SYNE1: variants seen among roughly 807,000 people sequenced by gnomAD.
SYNE1 encodes spectrin repeat containing nuclear envelope protein 1.
Under a neutral mutation model 1,111.0 loss-of-function variants are expected in SYNE1, and 616 were observed. The observed-to-expected ratio is 0.55, with a 90% CI of 0.52 to 0.59. The LOEUF (loss-of-function observed/expected upper bound fraction) is 0.59, where lower values mean the gene tolerates loss of function less well. SYNE1 is among the 20% of genes least tolerant of loss of function. The probability of loss-of-function intolerance (pLI) is 0.00; values close to 1 mark genes in which losing one functional copy is unlikely to be tolerated. For synonymous variants in SYNE1, 3,855 were observed against 3,825.8 expected (o/e 1.01, Z -0.28); for missense variants, 10,006 against 10,417.0 (o/e 0.96, Z 1.72).
At chr6:152,329,506 A>C (rs1264784528) in intron 78 of SYNE1, among the ~76,000 whole-genome samples, 1 of 152,254 alleles carries the variant, frequency 6.6e-6, no homozygotes. Context: ...CAGCCTGGGC[A>C]ACAGAGCGAG....
At chr6:152,258,633 T>C (rs887265006) in intron 101 of SYNE1, among the ~76,000 whole-genome samples, 1 of 152,174 alleles carries the variant, frequency 6.6e-6, no homozygotes, top group Non-Finnish European at 1.5e-5. Context: ...CCATTTCCCC[T>C]AAACTCTTTT....
chr6:152,487,423 C>T (rs10457878), intron 12 of SYNE1, among the ~76,000 whole-genome samples: 2 of 152,160 alleles, frequency 1.3e-5, no homozygotes, highest in African/African-American at 2.4e-5. Flanking sequence ...TGTATATGTA[C>T]CAGATTTTAT....
At chr6:152,218,949 C>G in intron 120 of SYNE1, 54 bp downstream of exon 120, 1 of 1,558,504 alleles carries the variant, frequency 6.4e-7, no homozygotes, top group Non-Finnish European at 8.8e-7. Flanking sequence ...GTGTTTGTGC[C>G]CAGATATTAG....
At chr6:152,515,286 A>C (rs987055840) in intron 6 of SYNE1, among the ~76,000 whole-genome samples, 1 of 152,150 alleles carries the variant, frequency 6.6e-6, no homozygotes, top group Non-Finnish European at 1.5e-5. Flanking sequence ...ATAAATTTCA[A>C]AAAACTCTCA....
rs779085603 is a variant in SYNE1 at position 152,308,574 on chromosome 6, A to G, written c.17261T>C (p.Ile5754Thr). 5 of 1,613,608 alleles carry G rather than the reference A, an allele frequency of 3.1e-6. No individual in the cohort carries two copies. The East Asian group carries it at 1.1e-4, about 36-fold the overall frequency. ...CTCAATCTCTCTGTGAGCTCCTTCTATCAGTTGCTGGAGATGTTTCATTTC... is the reference window on the plus strand; with the variant it reads ...CTCAATCTCTCTGTGAGCTCCTTCTGTCAGTTGCTGGAGATGTTTCATTTC... ...EQEMKHLQQL[I>T]EGAHREIEDK... is the part of the protein sequence containing the mutation. The change falls in exon 91 of 146, where the codon ATA becomes ACA. Residue 5754 changes from isoleucine (I) to threonine (T), a missense_variant. Transcript: ENST00000367255.
intron 10 of SYNE1, among the ~76,000 whole-genome samples, chr6:152,502,203 C>T (rs1949962): frequency 0.48 from 72,950 of 151,600 alleles, 18,301 homozygotes; most frequent in East Asian, 0.76. Flanking sequence ...TTACAAATTG[C>T]GTCTTACTTC....
At chr6:152,343,282 C>A (rs1013645529) in intron 74 of SYNE1, among the ~76,000 whole-genome samples, 1 of 151,404 alleles carries the variant, frequency 6.6e-6, no homozygotes, top group Non-Finnish European at 1.5e-5. Context: ...CTTCAGCTTC[C>A]TGAATAGCTA....
chr6:152,553,529 C>T (rs1417385286), intron 3 of SYNE1, among the ~76,000 whole-genome samples: 1 of 152,066 alleles, frequency 6.6e-6, no homozygotes, highest in Non-Finnish European at 1.5e-5. Context: ...GTTATCTTCC[C>T]GAGCTACAAA....
rs2152519235 is a variant in SYNE1, at chr6:152,121,703, T to C, written c.*733A>G. On this transcript the variant is annotated 3_prime_UTR_variant, in exon 146 of 146. Transcript: ENST00000367255. ...CAGACAAACTATTTTATAATATCTA[T>C]AATAAATGCAAAGAAATCAATACAA... 6.6e-6 allele frequency: 1 copy of C among 152,656 alleles called. No individual in the cohort carries two copies. The highest frequency in any genetic ancestry group is 1.5e-5 in the Non-Finnish European group (1 of 68,046). The allele number at this position is 152,656 out of a possible 1,614,324, so 9.5% of individuals were successfully genotyped here. A position where few individuals can be genotyped will look rare whatever the true frequency, so the allele number is the denominator to read the frequency against.
intron 100 of SYNE1, among the ~76,000 whole-genome samples, chr6:152,267,164 C>T (rs1263334430): frequency 6.6e-6 from 1 of 152,162 alleles, no homozygotes; most frequent in African/African-American, 2.4e-5. Flanking sequence ...AAACCACCTT[C>T]ATAATACATA....
At chr6:152,548,695 G>A (rs1255613119) in intron 3 of SYNE1, among the ~76,000 whole-genome samples, 1 of 152,170 alleles carries the variant, frequency 6.6e-6, no homozygotes, top group East Asian at 1.9e-4. Context: ...TTTCCATGCA[G>A]AAAGAAAACA....
At chr6:152,566,260 G>A (rs2099413118) in intron 3 of SYNE1, among the ~76,000 whole-genome samples, 1 of 152,116 alleles carries the variant, frequency 6.6e-6, no homozygotes, top group African/African-American at 2.4e-5. Flanking sequence ...AGGTAACACA[G>A]AGATGCTGGC....
chr6:152,534,260 T>C (rs934617996), intron 4 of SYNE1, among the ~76,000 whole-genome samples: 1 of 152,104 alleles, frequency 6.6e-6, no homozygotes, highest in Non-Finnish European at 1.5e-5. Context: ...CAAATATTAA[T>C]ATTAGCAAAA....
At position 152,219,199 on chromosome 6, in the gene SYNE1, A is replaced by T; in HGVS notation, c.21862-14T>A. On this transcript the variant is annotated splice_polypyrimidine_tract_variant and intron_variant, in intron 119 of 145. Coordinates refer to ENST00000367255, the MANE Select transcript of SYNE1 (RefSeq NM_182961.4). The stretch of plus-strand genomic sequence containing the variant: ...TTTGAGGAGGTCCTAGAAGAGGTGA[A>T]AATATGCCCACTCTGAAGCATGTTG... 1 of 1,612,660 alleles carries T rather than the reference A, an allele frequency of 6.2e-7. No individual in the cohort carries two copies. The highest frequency in any genetic ancestry group is 8.5e-7 in the Non-Finnish European group (1 of 1,179,580).
intron 98 of SYNE1, among the ~76,000 whole-genome samples, chr6:152,273,692 C>T (rs1335117869): frequency 6.6e-6 from 1 of 152,186 alleles, no homozygotes; most frequent in East Asian, 1.9e-4. Context: ...TCCACATTCC[C>T]TATCTCTTGA....
chr6:152,216,414 C>T (rs58009233), intron 121 of SYNE1, among the ~76,000 whole-genome samples: 4,480 of 152,252 alleles, frequency 0.029, 218 homozygotes, highest in African/African-American at 0.1. Context: ...ACTGGGGGGC[C>T]TGGTCCTGGA....
In SYNE1 at chr6:152,331,096, C is replaced by G; in HGVS notation, c.13589G>C (p.Ser4530Thr). ...TTCCTGAAGCTTCCCCAGCACTTCA[C>G]TCTTTTCCTGCTCTGTGACTTCCTT... ...LMKEVTEQEKSEVLGKLQELQ... is the reference protein window; with the variant it reads ...LMKEVTEQEKTEVLGKLQELQ... The change falls in exon 78 of 146, where the codon AGT becomes ACT. Residue 4530 changes from serine to threonine, a missense_variant. Ser to Thr is a moderately conservative substitution (Grantham distance 58, BLOSUM62 1). Around this residue, in one of 7 missense-constraint regions of SYNE1, gnomAD observed 4,955 missense variants for 5,017.2 expected, o/e 0.99. Transcript: ENST00000367255. 6.2e-7 allele frequency: 1 copy of G among 1,614,180 alleles called. No individual in the cohort carries two copies. The highest frequency in any genetic ancestry group is 8.5e-7 in the Non-Finnish European group (1 of 1,180,038).
chr6:152,456,218 C>T (rs573630344), intron 22 of SYNE1, among the ~76,000 whole-genome samples, 174 bp from the exon 23 acceptor site: 3 of 151,944 alleles, frequency 2.0e-5, no homozygotes, highest in Non-Finnish European at 4.4e-5. Context: ...CAATTTTAAA[C>T]AATCACTGAA....
At chr6:152,430,037 CT>C in intron 36 of SYNE1, 74 bp downstream of exon 36, 1 of 1,010,038 alleles carries the variant, frequency 9.9e-7, no homozygotes, top group Non-Finnish European at 1.5e-6. Context: ...AAAAAGTTTA[CT>C]GTATTTTCTT....
Sources: gnomAD v4.1 joint callset for allele counts (sites outside exome capture counted in the v4.1 genomes callset) on GRCh38, gnomAD v4.1.1 for gene constraint, gnomAD v4.1.1 regional missense constraint, MANE v1.5 for transcripts, NCBI Gene and HGNC (gene_info 2026-07-23, HGNC 2026-07-21) for gene names.